EYS: variants seen among roughly 807,000 people sequenced by gnomAD.
EYS encodes protein eyes shut homolog.
In EYS, 250 loss-of-function variants were observed where a neutral mutation model predicts 282.1. The observed-to-expected ratio is 0.89, with a 90% CI of 0.80 to 0.98. The LOEUF is 0.98. EYS is among the 50% of genes least tolerant of loss of function. EYS has a pLI of 0.00. For missense variants in EYS, 4,016 were observed against 3,709.0 expected (o/e 1.08, Z -2.15); for synonymous variants, 1,355 against 1,282.9 (o/e 1.06, Z -1.20).
rs920801192 is a variant in EYS, at chr6:64,643,796, G to A, written c.3444-17551C>T. Among the ~76,000 whole-genome samples, 8 of 152,174 alleles carry A rather than the reference G, an allele frequency of 5.3e-5. No homozygotes were observed. In the East Asian group the frequency reaches 1.5e-3, roughly 29 times the overall value. Reference sequence around the variant, plus strand: ...TCTTTCTTTGCCTGCTGCCATCCACGTAAGACGTGACTTGCTCCTCCTTGC... The same window carrying A: ...TCTTTCTTTGCCTGCTGCCATCCACATAAGACGTGACTTGCTCCTCCTTGC... On this transcript the variant is annotated intron_variant, in intron 22 of 42. Transcript: ENST00000503581.
intron 35 of EYS, among the ~76,000 whole-genome samples, chr6:63,911,061 C>T (rs1027390064): frequency 1.3e-5 from 2 of 150,074 alleles, no homozygotes; most frequent in Admixed American, 6.7e-5. Context: ...TGGCTGTTCA[C>T]AGATTATGAT....
intron 26 of EYS, among the ~76,000 whole-genome samples, chr6:64,526,932 T>C (rs116595538): frequency 0.024 from 3,626 of 151,858 alleles, 140 homozygotes; most frequent in African/African-American, 0.083. Flanking sequence ...AAATTCTAAG[T>C]GATCCAACAG....
At chr6:65,248,482 G>C (rs1457394475) in intron 12 of EYS, among the ~76,000 whole-genome samples, 1 of 152,056 alleles carries the variant, frequency 6.6e-6, no homozygotes, top group East Asian at 1.9e-4. Context: ...AAATGATAGA[G>C]TACATGGGGA....
chr6:65,375,673 G>A (rs1211893203), intron 8 of EYS, among the ~76,000 whole-genome samples: 1 of 152,094 alleles, frequency 6.6e-6, no homozygotes, highest in African/African-American at 2.4e-5. Flanking sequence ...CCAGTTTAGA[G>A]AAGAACATAA....
chr6:64,744,619 G>C (rs1772492944), intron 22 of EYS, among the ~76,000 whole-genome samples: 1 of 151,952 alleles, frequency 6.6e-6, no homozygotes, highest in Non-Finnish European at 1.5e-5. Flanking sequence ...AGTAAAACTT[G>C]AACTAAAAAC....
At position 64,626,254 on chromosome 6, in the gene EYS, A is replaced by G; in HGVS notation, c.3444-9T>C. 1 of 1,517,648 alleles carries G rather than the reference A, an allele frequency of 6.6e-7. No individual in the cohort carries two copies. Among genetic ancestry groups the G allele is most frequent in the African/African-American group, 1.4e-5 (1 of 70,856 alleles). The allele number at this position is 1,517,648 out of a possible 1,614,324, so 94.0% of individuals were successfully genotyped here. On this transcript the variant is annotated splice_polypyrimidine_tract_variant and intron_variant, in intron 22 of 42. Transcript: ENST00000503581. ...AAAATCCAGGAAGACATCTAAGGAA[A>G]AAAAATGAAAACGATATTTGTATAT...
At chr6:65,333,901 C>T (rs1582151937) in intron 11 of EYS, among the ~76,000 whole-genome samples, 1 of 150,000 alleles carries the variant, frequency 6.7e-6, no homozygotes, top group Non-Finnish European at 1.5e-5. Flanking sequence ...CTTCTTGATG[C>T]AGTTTGAATG....
intron 12 of EYS, among the ~76,000 whole-genome samples, chr6:65,284,331 A>T (rs9354215): frequency 0.52 from 79,097 of 151,866 alleles, 22,712 homozygotes; most frequent in East Asian, 0.91. Context: ...TTAATAATAC[A>T]TTTTGCCTGT....
intron 12 of EYS, among the ~76,000 whole-genome samples, chr6:65,106,392 G>A (rs376038870): frequency 4.2e-4 from 63 of 151,390 alleles, no homozygotes; most frequent in South Asian, 4.2e-4. Context: ...CCTTTTTCAC[G>A]TAGTGCCCTT....
intron 35 of EYS, among the ~76,000 whole-genome samples, chr6:63,936,935 C>T (rs929326974): frequency 2.0e-5 from 3 of 151,978 alleles, no homozygotes; most frequent in Non-Finnish European, 2.9e-5. Flanking sequence ...GAAGGCTAGC[C>T]GTGGTGTGAT....
chr6:65,273,056 A>G (rs902368981), intron 12 of EYS, among the ~76,000 whole-genome samples: 1 of 152,156 alleles, frequency 6.6e-6, no homozygotes, highest in African/African-American at 2.4e-5. Flanking sequence ...GGCTAATTGA[A>G]TAATATGTGA....
chr6:64,568,677 C>A (rs769719866), intron 26 of EYS, among the ~76,000 whole-genome samples: 8 of 152,160 alleles, frequency 5.3e-5, no homozygotes, highest in Non-Finnish European at 1.0e-4. Flanking sequence ...CCCAGTGACT[C>A]CTGACTGGGA....
intron 35 of EYS, among the ~76,000 whole-genome samples, chr6:63,973,972 T>C (rs1421122617): frequency 6.6e-6 from 1 of 152,024 alleles, no homozygotes; most frequent in Non-Finnish European, 1.5e-5. Context: ...GAAAAAAATG[T>C]AAGGCTTGTG....
At chr6:63,988,450 G>A (rs1767466997) in intron 34 of EYS, among the ~76,000 whole-genome samples, 1 of 151,560 alleles carries the variant, frequency 6.6e-6, no homozygotes, top group African/African-American at 2.4e-5. Context: ...GGAAATAGAT[G>A]GCTCCTGTAT....
intron 13 of EYS, among the ~76,000 whole-genome samples, chr6:65,017,676 AAAT>A (rs970549009): frequency 1.3e-5 from 2 of 152,206 alleles, no homozygotes; most frequent in African/African-American, 2.4e-5. Context: ...AACAAAATAA[AAAT>A]AATATCACTC....
chr6:64,525,542 G>A (rs922155961), intron 26 of EYS, among the ~76,000 whole-genome samples: 4 of 151,622 alleles, frequency 2.6e-5, no homozygotes, highest in African/African-American at 9.7e-5. Context: ...GTGGGAGGAA[G>A]GAGAGGATCA....
chr6:64,747,607 T>C (rs1772601402), intron 22 of EYS, among the ~76,000 whole-genome samples: 1 of 152,178 alleles, frequency 6.6e-6, no homozygotes, highest in African/African-American at 2.4e-5. Flanking sequence ...CTTGAACTCC[T>C]GACCTCAAGA....
chr6:64,079,085 A>G (rs1270272153), intron 32 of EYS, among the ~76,000 whole-genome samples: 1 of 152,070 alleles, frequency 6.6e-6, no homozygotes, highest in Non-Finnish European at 1.5e-5. Flanking sequence ...TTCGATTATT[A>G]TGTTTGTGTC....
intron 22 of EYS, among the ~76,000 whole-genome samples, chr6:64,696,464 A>G (rs1770582346): frequency 1.3e-5 from 2 of 152,212 alleles, no homozygotes; most frequent in African/African-American, 4.8e-5. Flanking sequence ...TTCTTAGTCT[A>G]GCATGAGATT....
Sources: gnomAD v4.1 joint callset for allele counts (sites outside exome capture counted in the v4.1 genomes callset) on GRCh38, gnomAD v4.1.1 for gene constraint, MANE v1.5 for transcripts, NCBI Gene and HGNC (gene_info 2026-07-23, HGNC 2026-07-21) for gene names.